PIP4K2A: variants seen among roughly 807,000 people sequenced by gnomAD.
The protein encoded by PIP4K2A is phosphatidylinositol 5-phosphate 4-kinase type-2 alpha.
PIP4K2A carries 14 observed loss-of-function variants against 42.9 expected under a neutral mutation model. That is an observed-to-expected ratio of 0.33 (90% CI 0.22 to 0.51). The LOEUF is 0.51. PIP4K2A is among the 20% of genes least tolerant of loss of function. The pLI is 0.97. For synonymous variants in PIP4K2A, 192 were observed against 192.2 expected, an observed-to-expected ratio of 1.00 and a Z score of 0.01; for missense variants, 434 against 519.8, an observed-to-expected ratio of 0.83 and a Z score of 1.61.
At chr10:22,540,139 A>C in intron 8 of PIP4K2A, 65 bp from the exon 9 acceptor site, 1 of 483,844 alleles carries the variant, frequency 2.1e-6, no homozygotes, top group Middle Eastern at 3.4e-4. Context: ...ATTGCTGCTG[A>C]GGGAGGGAGG....
At chr10:22,593,926 T>C (rs528656161) in intron 3 of PIP4K2A, among the ~76,000 whole-genome samples, 88 of 152,362 alleles carry the variant, frequency 5.8e-4, no homozygotes, top group African/African-American at 2.1e-3. Context: ...CTCAGTTTCA[T>C]AGATCGTTTT....
intron 4 of PIP4K2A, among the ~76,000 whole-genome samples, chr10:22,581,341 TA>T (rs1284983202): frequency 6.6e-6 from 1 of 152,198 alleles, no homozygotes; most frequent in Non-Finnish European, 1.5e-5. Flanking sequence ...TCAAACTTCA[TA>T]AAAGTGAACC....
intron 3 of PIP4K2A, among the ~76,000 whole-genome samples, chr10:22,598,607 G>C (rs1263585687): frequency 6.6e-6 from 1 of 152,138 alleles, no homozygotes; most frequent in African/African-American, 2.4e-5. Flanking sequence ...AAACAGAATG[G>C]ACCCAGGAAG....
intron 4 of PIP4K2A, among the ~76,000 whole-genome samples, chr10:22,581,480 C>T (rs1837278004): frequency 6.7e-6 from 1 of 148,290 alleles, no homozygotes; most frequent in African/African-American, 2.5e-5. Context: ...TATTTTTGCC[C>T]AGTTACTTGG....
intron 4 of PIP4K2A, among the ~76,000 whole-genome samples, chr10:22,578,810 C>T (rs1373389677): frequency 1.3e-5 from 2 of 152,146 alleles, no homozygotes; most frequent in Non-Finnish European, 2.9e-5. Flanking sequence ...TTAGCAGGAC[C>T]TCATGTGTAA....
intron 6 of PIP4K2A, among the ~76,000 whole-genome samples, chr10:22,555,354 A>G (rs780516565): frequency 6.6e-6 from 1 of 152,222 alleles, no homozygotes; most frequent in Non-Finnish European, 1.5e-5. Flanking sequence ...TGAGGGTTGC[A>G]TGAGTTCACA....
At chr10:22,617,194 G>T (rs1838195534) in intron 1 of PIP4K2A, among the ~76,000 whole-genome samples, 1 of 152,218 alleles carries the variant, frequency 6.6e-6, no homozygotes, top group African/African-American at 2.4e-5. Context: ...TGACTGCAAT[G>T]AGTATCACTC....
chr10:22,648,343 G>A (rs949522693), intron 1 of PIP4K2A, among the ~76,000 whole-genome samples: 1 of 152,226 alleles, frequency 6.6e-6, no homozygotes, highest in Non-Finnish European at 1.5e-5. Flanking sequence ...GTTACTCTGT[G>A]ACTCCTTTAT....
At chr10:22,631,351 T>G (rs975527285) in intron 1 of PIP4K2A, among the ~76,000 whole-genome samples, 19 of 152,114 alleles carry the variant, frequency 1.2e-4, no homozygotes, top group African/African-American at 4.3e-4. Flanking sequence ...CCTGATCTGA[T>G]GGAATTAATG....
In PIP4K2A at chr10:22,601,158, A is replaced by C. The variant is rs867560726; in HGVS notation, c.339+6769T>G. 4.2e-3 allele frequency among the ~76,000 whole-genome samples: 565 copies of C among 135,424 alleles called. 19 individuals carry two copies. The highest frequency in any genetic ancestry group is 0.014 in the African/African-American group (532 of 37,730). 88.8% of individuals were successfully genotyped at this position (135,424 alleles called of 152,430 possible). On this transcript the variant is annotated intron_variant, in intron 3 of 9. Coordinates refer to ENST00000376573, the MANE Select transcript of PIP4K2A (RefSeq NM_005028.5). ...AAAAAAAAAAAAAAAAAAAAAAAAA[A>C]AAAAACAAACCAGGAACATGTCCCC...
rs944510670 is a variant in PIP4K2A, at chr10:22,667,642, A to C, written c.144+46541T>G. Among the ~76,000 whole-genome samples the C allele has an allele frequency of 2.6e-5, 4 of 152,210 alleles. No individual in the cohort carries two copies. The East Asian group carries it at 7.7e-4, about 29-fold the overall frequency. ...CCAAGACATTAATCTGGGAGGTTAT[A>C]AAATTAAAATTCTCTTAGAAAATGA... On this transcript the variant is annotated intron_variant, in intron 1 of 9. Coordinates refer to ENST00000376573, the MANE Select transcript of PIP4K2A (RefSeq NM_005028.5).
At position 22,664,130 on chromosome 10, in the gene PIP4K2A, C is replaced by CAT. The variant is rs1386533355; in HGVS notation, c.144+50051_144+50052dup. ...ATATATATATACATATATATATATA[C>CAT]ATATATATATACATATATATACACA... On this transcript the variant is annotated intron_variant, in intron 1 of 9. Transcript: ENST00000376573. Among the ~76,000 whole-genome samples the CAT allele has an allele frequency of 8.3e-3, 333 of 40,132 alleles. 18 individuals are homozygous for CAT. The highest frequency in any genetic ancestry group is 0.076 in the African/African-American group (306 of 4,004). 26.3% of individuals were successfully genotyped at this position (40,132 alleles called of 152,430 possible).
intron 7 of PIP4K2A, among the ~76,000 whole-genome samples, chr10:22,548,221 G>A (rs192783586): frequency 2.9e-3 from 443 of 152,292 alleles, no homozygotes; most frequent in Middle Eastern, 0.021. Context: ...ATCAGCTATT[G>A]AGAATATTTT....
chr10:22,593,320 T>C (rs1837555142), intron 3 of PIP4K2A, among the ~76,000 whole-genome samples: 1 of 152,180 alleles, frequency 6.6e-6, no homozygotes, highest in African/African-American at 2.4e-5. Flanking sequence ...TTTGCTTTCC[T>C]TAGCTTATTA....
chr10:22,609,161 C>T (rs1162667738), intron 2 of PIP4K2A, among the ~76,000 whole-genome samples: 1 of 152,182 alleles, frequency 6.6e-6, no homozygotes, highest in Non-Finnish European at 1.5e-5. Context: ...ATAATGACGT[C>T]TAAAACAACA....
At chr10:22,555,186 C>T (rs1341110865) in intron 6 of PIP4K2A, among the ~76,000 whole-genome samples, 1 of 152,166 alleles carries the variant, frequency 6.6e-6, no homozygotes. Context: ...ACGTAGGAGA[C>T]AAACTGAAGC....
chr10:22,549,914 A>C (rs1836361153), intron 7 of PIP4K2A, among the ~76,000 whole-genome samples: 1 of 150,788 alleles, frequency 6.6e-6, no homozygotes, highest in African/African-American at 2.4e-5. Context: ...TTTTTCCTGG[A>C]TTTATAAAAG....
chr10:22,536,728 A>AAAC lies in PIP4K2A; in HGVS notation c.*472_*473insGTT, dbSNP rs1835934969. 1 of 149,454 alleles carries AAAC rather than the reference A, an allele frequency of 6.7e-6. No individual in the cohort carries two copies. The highest frequency in any genetic ancestry group is 6.7e-5 in the Admixed American group (1 of 14,968). The allele number at this position is 149,454 out of a possible 1,614,324, so 9.3% of individuals were successfully genotyped here. A position where few individuals can be genotyped will look rare whatever the true frequency, so the allele number is the denominator to read the frequency against. ...TCTTTCAACTCCAAAAAAAAAAAAAAAAAAAAAAAACTGATCCACAGTTTG... is the reference window on the plus strand; with the variant it reads ...TCTTTCAACTCCAAAAAAAAAAAAAAAACAAAAAAAAAACTGATCCACAGTTTG... On this transcript the variant is annotated 3_prime_UTR_variant, in exon 10 of 10. Transcript: ENST00000376573.
At chr10:22,674,564 T>C (rs1188477127) in intron 1 of PIP4K2A, among the ~76,000 whole-genome samples, 1 of 152,138 alleles carries the variant, frequency 6.6e-6, no homozygotes, top group African/African-American at 2.4e-5. Flanking sequence ...CTTTAACTCT[T>C]AGCTTTAGCT....
Sources: gnomAD v4.1 joint callset for allele counts (sites outside exome capture counted in the v4.1 genomes callset) on GRCh38, gnomAD v4.1.1 for gene constraint, MANE v1.5 for transcripts, NCBI Gene and HGNC (gene_info 2026-07-23, HGNC 2026-07-21) for gene names.